CTNNA2: variants seen among roughly 807,000 people sequenced by gnomAD.
CTNNA2 encodes the protein catenin alpha-2.
Under a neutral mutation model 101.0 loss-of-function variants are expected in CTNNA2, and 42 were observed. That is an observed-to-expected ratio of 0.42 (90% confidence interval 0.32 to 0.54). The LOEUF is 0.54. Among genes scored for constraint, CTNNA2 ranks in the 20% least tolerant of loss-of-function variants. The pLI, the probability that CTNNA2 is intolerant of heterozygous loss-of-function variation, is 0.14. For missense variants in CTNNA2, 871 were observed against 1,223.1 expected (o/e 0.71, Z 4.29); for synonymous variants, 450 against 456.4 (o/e 0.99, Z 0.18).
intron 7 of CTNNA2, among the ~76,000 whole-genome samples, chr2:79,926,406 G>A (rs1015985243): frequency 3.3e-5 from 5 of 152,110 alleles, no homozygotes; most frequent in African/African-American, 7.2e-5. Context: ...AAAACATCCC[G>A]TAAGACCTTT....
At chr2:80,537,227 C>T (rs1405550309) in intron 9 of CTNNA2, among the ~76,000 whole-genome samples, 1 of 152,204 alleles carries the variant, frequency 6.6e-6, no homozygotes, top group African/African-American at 2.4e-5. Flanking sequence ...CTTTCAGCTT[C>T]ATCCATGTCC....
At chr2:79,977,222 GCA>G (rs72018840) in intron 7 of CTNNA2, among the ~76,000 whole-genome samples, 3,989 of 144,696 alleles carry the variant, frequency 0.028, 71 homozygotes, top group African/African-American at 0.062. Context: ...GCATATGCAT[GCA>G]CACACACACA....
chr2:80,329,385 G>A (rs1671120936), intron 7 of CTNNA2, among the ~76,000 whole-genome samples: 1 of 152,206 alleles, frequency 6.6e-6, no homozygotes, highest in African/African-American at 2.4e-5. Flanking sequence ...AGACTGAGAG[G>A]AGATGGAGAA....
chr2:80,535,606 A>T (rs1351010347), intron 9 of CTNNA2, among the ~76,000 whole-genome samples: 1 of 152,266 alleles, frequency 6.6e-6, no homozygotes, highest in Non-Finnish European at 1.5e-5. Flanking sequence ...TATGATTTTT[A>T]AAATTAAACT....
intron 14 of CTNNA2, chr2:80,586,436 T>A (rs1397725811): frequency 3.3e-5 from 5 of 152,176 alleles, no homozygotes. Flanking sequence ...AGCGAATGTT[T>A]TAAATGATGC....
chr2:80,488,799 A>G (rs778342458), intron 9 of CTNNA2, among the ~76,000 whole-genome samples: 11 of 152,226 alleles, frequency 7.2e-5, no homozygotes, highest in Admixed American at 2.6e-4. Context: ...GATGGATACA[A>G]GGAATTCAGA....
At chr2:79,602,072 T>C (rs942632349) in intron 1 of CTNNA2, among the ~76,000 whole-genome samples, 4 of 152,196 alleles carry the variant, frequency 2.6e-5, no homozygotes, top group East Asian at 3.9e-4. Flanking sequence ...ATTTGTGTTA[T>C]AGTGTCTGCT....
At chr2:79,327,991 A>C (rs544741061) in intron 3 of CTNNA2, among the ~76,000 whole-genome samples, 34 of 152,240 alleles carry the variant, frequency 2.2e-4, no homozygotes, top group Admixed American at 1.1e-3. Context: ...TGAGGGAAGA[A>C]AGGCCTAAGG....
chr2:79,584,594 A>AG (rs1676359477), intron 1 of CTNNA2, among the ~76,000 whole-genome samples: 1 of 148,426 alleles, frequency 6.7e-6, no homozygotes, highest in Non-Finnish European at 1.5e-5. Context: ...GCACGATTTC[A>AG]GCTCGCTGTA....
intron 7 of CTNNA2, among the ~76,000 whole-genome samples, chr2:80,195,071 A>G (rs1016548811): frequency 6.6e-6 from 1 of 152,198 alleles, no homozygotes; most frequent in Non-Finnish European, 1.5e-5. Flanking sequence ...TGCAGCAACT[A>G]GCGGACCTTT....
intron 3 of CTNNA2, among the ~76,000 whole-genome samples, chr2:79,315,981 G>T (rs778930034): frequency 2.0e-5 from 3 of 151,972 alleles, no homozygotes; most frequent in South Asian, 2.1e-4. Context: ...AAGGACAAAA[G>T]ATTTTAATTT....
chr2:79,533,509 ACT>A (rs766318806), intron 1 of CTNNA2, among the ~76,000 whole-genome samples: 6 of 152,130 alleles, frequency 3.9e-5, no homozygotes, highest in Non-Finnish European at 8.8e-5. Flanking sequence ...AAAAAAACAC[ACT>A]GAGTTCCCAT....
rs147999642 is a variant in CTNNA2 at position 79,736,846 on chromosome 2, C to G, written c.103-7541C>G. ...TCTAGCAAAACAATGCCCAAATTAT[C>G]TTGGTTCTCCTTTACTGGTGTTTTT... On this transcript the variant is annotated intron_variant, in intron 2 of 18. Transcript: ENST00000402739. 3.7e-3 allele frequency among the ~76,000 whole-genome samples: 563 copies of G among 152,244 alleles called. 5 individuals carry two copies. The highest frequency in any genetic ancestry group is 0.013 in the African/African-American group (536 of 41,544).
intron 7 of CTNNA2, among the ~76,000 whole-genome samples, chr2:80,223,033 A>G (rs190558661): frequency 3.7e-4 from 57 of 152,272 alleles, no homozygotes; most frequent in African/African-American, 1.3e-3. Flanking sequence ...GATTGTACTC[A>G]TGCAGCTCTC....
At chr2:79,460,603 T>G (rs749450634) in intron 4 of CTNNA2, among the ~76,000 whole-genome samples, 117 of 152,320 alleles carry the variant, frequency 7.7e-4, no homozygotes, top group Non-Finnish European at 1.5e-3. Context: ...CATTCCATCC[T>G]TTATCCACAA....
chr2:79,342,567 G>T (rs1014588712), intron 3 of CTNNA2, among the ~76,000 whole-genome samples: 4 of 152,178 alleles, frequency 2.6e-5, no homozygotes, highest in African/African-American at 9.7e-5. Flanking sequence ...GAAATACAGT[G>T]ATTTAGTTAT....
chr2:79,904,274 A>G (rs1685267242), intron 6 of CTNNA2, among the ~76,000 whole-genome samples: 1 of 152,046 alleles, frequency 6.6e-6, no homozygotes, highest in African/African-American at 2.4e-5. Context: ...TAGAGAGTCA[A>G]CCTCTTGAAG....
Position 80,411,700 on chromosome 2 carries a change from G to A in CTNNA2, c.1138-7749G>A, listed in dbSNP as rs199982323. 2.6e-5 allele frequency among the ~76,000 whole-genome samples: 4 copies of A among 152,282 alleles called. No homozygotes were observed. The East Asian group carries it at 7.7e-4, about 29-fold the overall frequency. ...TTTAAAGCATGTAGTCTGGGGCCAA[G>A]CAATATTGGTTTAAATCCTGCCACT... is the stretch of plus-strand genomic sequence containing the variant. On this transcript the variant is annotated intron_variant, in intron 8 of 18. Transcript: ENST00000402739.
intron 2 of CTNNA2, among the ~76,000 whole-genome samples, chr2:79,217,805 C>G (rs1292753705): frequency 6.6e-6 from 1 of 152,140 alleles, no homozygotes; most frequent in African/African-American, 2.4e-5. Flanking sequence ...AACACAAAAC[C>G]TCATTCTAAC....
Sources: allele counts gnomAD v4.1 joint callset (sites outside exome capture counted in the v4.1 genomes callset), GRCh38; gene constraint gnomAD v4.1.1; transcripts MANE v1.5; gene names NCBI Gene and HGNC (gene_info 2026-07-23, HGNC 2026-07-21).